Variants in GLIS3 observed in about 807,000 individuals in gnomAD.
The protein encoded by GLIS3 is GLIS family zinc finger 3.
GLIS3 carries 53 observed loss-of-function variants against 78.6 expected under a neutral mutation model. That is an observed-to-expected ratio of 0.67 (90% CI 0.54 to 0.85). The LOEUF is 0.85. Among genes scored for constraint, GLIS3 ranks in the 40% least tolerant of loss-of-function variants. GLIS3 has a pLI of 0.00. For synonymous variants in GLIS3, 684 were observed against 509.9 expected (o/e 1.34, Z -4.60); for missense variants, 1,703 against 1,231.1 (o/e 1.38, Z -5.74).
chr9:4,469,858 A>G, the GLIS3 span, among the ~76,000 whole-genome samples: 7 of 152,176 alleles, frequency 4.6e-5, no homozygotes, highest in African/African-American at 9.7e-5. Context: ...TGTTTTTTTG[A>G]GAAGATCAAC....
chr9:3,867,952 C>T (rs1378774239), intron 8 of GLIS3, among the ~76,000 whole-genome samples: 1 of 152,156 alleles, frequency 6.6e-6, no homozygotes, highest in African/African-American at 2.4e-5. Flanking sequence ...GAATGATGTT[C>T]ATGATGACAT....
intron 9 of GLIS3, among the ~76,000 whole-genome samples, chr9:3,838,476 G>A (rs992359020): frequency 4.6e-5 from 7 of 152,152 alleles, no homozygotes; most frequent in Non-Finnish European, 7.3e-5. Flanking sequence ...AGGAAGGTTT[G>A]CTGAATCCAG....
At chr9:4,004,245 T>C (rs1053001473) in intron 4 of GLIS3, among the ~76,000 whole-genome samples, 18 of 152,182 alleles carry the variant, frequency 1.2e-4, no homozygotes, top group African/African-American at 3.6e-4. Flanking sequence ...AGTTGACTGA[T>C]TGATGACCAG....
intron 4 of GLIS3, among the ~76,000 whole-genome samples, chr9:3,968,091 T>C (rs1053883973): frequency 6.6e-6 from 1 of 152,222 alleles, no homozygotes; most frequent in Non-Finnish European, 1.5e-5. Flanking sequence ...TAAAATACGA[T>C]GTGGATTCTT....
chr9:4,469,602 C>G, the GLIS3 span, among the ~76,000 whole-genome samples: 1 of 152,128 alleles, frequency 6.6e-6, no homozygotes, highest in South Asian at 2.1e-4. Flanking sequence ...AACAAAGACA[C>G]AACATACCAG....
Position 4,112,439 on chromosome 9 carries a change from T to C in GLIS3, c.1710+5329A>G, listed in dbSNP as rs75220829. 7.0e-3 allele frequency among the ~76,000 whole-genome samples: 1,073 copies of C among 152,348 alleles called. 14 individuals carry two copies. Among genetic ancestry groups the C allele is most frequent in the African/African-American group, 0.024 (1,002 of 41,572 alleles). ...AAGTAACAGGGTAGGCTTTTATTTATCTAGCACTAATGTTAGAACTGGAAA... is the reference window on the plus strand; with the variant it reads ...AAGTAACAGGGTAGGCTTTTATTTACCTAGCACTAATGTTAGAACTGGAAA... On this transcript the variant is annotated intron_variant, in intron 4 of 10. Coordinates refer to ENST00000381971, the MANE Select transcript of GLIS3 (RefSeq NM_001042413.2).
At chr9:4,210,298 C>G (rs1201845986) in intron 2 of GLIS3, among the ~76,000 whole-genome samples, 4 of 152,102 alleles carry the variant, frequency 2.6e-5, no homozygotes, top group East Asian at 1.9e-4. Flanking sequence ...ACAATCCAAC[C>G]AGAAAGTAAC....
chr9:4,016,276 G>A lies in GLIS3; in HGVS notation c.1711-79087C>T, dbSNP rs181396666. ...TTGGACATCTGAAGCTCTATTATAT[G>A]GAGTCTAACCATGAAGTCAGGAAGA... is the stretch of plus-strand genomic sequence containing the variant. On this transcript the variant is annotated intron_variant, in intron 4 of 10. Coordinates refer to ENST00000381971, the MANE Select transcript of GLIS3 (RefSeq NM_001042413.2). Among the ~76,000 whole-genome samples, 137 of 152,172 alleles carry A rather than the reference G, an allele frequency of 9.0e-4. 1 individual carries two copies. Among genetic ancestry groups the A allele is most frequent in the Non-Finnish European group, 2.1e-4 (14 of 68,016 alleles).
At chr9:4,127,108 C>G (rs965682787) in intron 2 of GLIS3, among the ~76,000 whole-genome samples, 3 of 152,134 alleles carry the variant, frequency 2.0e-5, no homozygotes, top group African/African-American at 7.2e-5. Flanking sequence ...GTCACTGTTT[C>G]CATCAGTGCA....
At chr9:4,226,253 G>C (rs1287610363) in intron 2 of GLIS3, among the ~76,000 whole-genome samples, 1 of 152,006 alleles carries the variant, frequency 6.6e-6, no homozygotes, top group East Asian at 1.9e-4. Flanking sequence ...CTCTTGCTTG[G>C]TTAATTATTT....
chr9:4,468,729 T>A, the GLIS3 span, among the ~76,000 whole-genome samples: 2 of 152,148 alleles, frequency 1.3e-5, no homozygotes, highest in Non-Finnish European at 2.9e-5. Context: ...CTGCATCAAA[T>A]AATGAGCAAA....
chr9:4,266,053 G>C (rs892797901), intron 2 of GLIS3, among the ~76,000 whole-genome samples: 3 of 151,760 alleles, frequency 2.0e-5, no homozygotes, highest in African/African-American at 7.3e-5. Flanking sequence ...CGAGTAGCTG[G>C]GACTACAGGC....
intron 4 of GLIS3, among the ~76,000 whole-genome samples, chr9:4,082,976 T>C (rs889541159): frequency 6.6e-6 from 1 of 152,228 alleles, no homozygotes; most frequent in South Asian, 2.1e-4. Context: ...TGTAATTTAG[T>C]ACCTTGTTCT....
chr9:3,851,196 C>T (rs931849112), intron 9 of GLIS3, among the ~76,000 whole-genome samples: 6 of 152,106 alleles, frequency 3.9e-5, no homozygotes, highest in African/African-American at 7.2e-5. Context: ...ATCCATTAGT[C>T]CAGTAACAAA....
At chr9:4,456,881 A>G in the GLIS3 span, among the ~76,000 whole-genome samples, 6 of 152,214 alleles carry the variant, frequency 3.9e-5, no homozygotes, top group Non-Finnish European at 7.3e-5. Flanking sequence ...TCCCAAAACA[A>G]TTGCAATACT....
chr9:4,156,266 TA>T (rs1303997263), intron 2 of GLIS3, among the ~76,000 whole-genome samples: 2 of 152,124 alleles, frequency 1.3e-5, no homozygotes, highest in African/African-American at 4.8e-5. Flanking sequence ...TCCATTATCT[TA>T]ATTCTTTAAT....
intron 2 of GLIS3, among the ~76,000 whole-genome samples, chr9:4,340,400 A>T (rs984534863): frequency 1.3e-5 from 2 of 152,052 alleles, no homozygotes; most frequent in African/African-American, 4.8e-5. Context: ...CAACTTCCCA[A>T]TTAAAAGGCA....
chr9:4,434,285 G>A, the GLIS3 span, among the ~76,000 whole-genome samples: 1 of 152,074 alleles, frequency 6.6e-6, no homozygotes, highest in Non-Finnish European at 1.5e-5. Context: ...GGTGTTAGTG[G>A]TAGTAGAAGT....
intron 2 of GLIS3, among the ~76,000 whole-genome samples, chr9:4,170,711 G>A (rs1816304134): frequency 6.6e-6 from 1 of 152,116 alleles, no homozygotes; most frequent in Non-Finnish European, 1.5e-5. Flanking sequence ...ACTTCGAAAG[G>A]CAAGGCTATC....
Sources: gnomAD v4.1 joint callset for allele counts (sites outside exome capture counted in the v4.1 genomes callset) on GRCh38, gnomAD v4.1.1 for gene constraint, MANE v1.5 for transcripts, NCBI Gene and HGNC (gene_info 2026-07-23, HGNC 2026-07-21) for gene names.